Variants in NLGN4X observed in about 807,000 individuals in gnomAD.
NLGN4X encodes neuroligin 4 X-linked.
In NLGN4X, 3 loss-of-function variants were observed where a neutral mutation model predicts 40.3. That is an observed-to-expected ratio of 0.07 (90% CI 0.03 to 0.19). The LOEUF (loss-of-function observed/expected upper bound fraction) is 0.19. Among genes scored for constraint, NLGN4X ranks in the 10% least tolerant of loss-of-function variants. NLGN4X has a pLI of 1.00. For missense variants in NLGN4X, 382 were observed against 708.3 expected (o/e 0.54, Z 5.23); for synonymous variants, 270 against 306.8 (o/e 0.88, Z 1.25).
At chrX:5,924,579 T>A (rs939008175) in intron 3 of NLGN4X, among the ~76,000 whole-genome samples, 10 of 111,847 alleles carry the variant, frequency 8.9e-5, no homozygotes, top group African/African-American at 3.3e-4. Context: ...TTTAAAAGCA[T>A]TGGGTCACAA....
chrX:6,116,865 T>C (rs1027753913), intron 2 of NLGN4X, among the ~76,000 whole-genome samples: 4 of 111,276 alleles, frequency 3.6e-5, no homozygotes, highest in Non-Finnish European at 7.5e-5. Context: ...TTCCAGTTTT[T>C]GGAGATACAA....
chrX:6,030,370 G>A lies in NLGN4X; in HGVS notation c.473-938C>T, dbSNP rs777033973. Among the ~76,000 whole-genome samples, 9 of 83,774 alleles carry A rather than the reference G, an allele frequency of 1.1e-4. No individual in the cohort carries two copies. In the South Asian group the frequency reaches 6.1e-3, roughly 56 times the overall value. The allele number at this position is 83,774 out of a possible 115,157, so 72.7% of individuals were successfully genotyped here. ...TTAATCTTTGGAAGACTGACCTCAC[G>A]TATAAATATTTCTGGATACAGATAT... On this transcript the variant is annotated intron_variant, in intron 2 of 5. Coordinates refer to ENST00000381095, the MANE Select transcript of NLGN4X (RefSeq NM_181332.3).
intron 3 of NLGN4X, among the ~76,000 whole-genome samples, chrX:5,941,131 CA>C (rs5901305): frequency 0.44 from 22,362 of 50,656 alleles, 3,931 homozygotes; most frequent in Middle Eastern, 0.69. Context: ...CTCCCTCCTA[CA>C]AAAAAAAAAA....
chrX:6,215,549 CA>C (rs3072697), intron 1 of NLGN4X, among the ~76,000 whole-genome samples: 1,010 of 77,214 alleles, frequency 0.013, 4 homozygotes, highest in Non-Finnish European at 0.019. Flanking sequence ...AACTCCGTCT[CA>C]AAAAAAAAAA....
chrX:5,939,107 G>C (rs1291653383), intron 3 of NLGN4X, among the ~76,000 whole-genome samples: 1 of 109,932 alleles, frequency 9.1e-6, no homozygotes, highest in Admixed American at 9.8e-5. Flanking sequence ...TCTACGAATG[G>C]GAAACATATA....
intron 3 of NLGN4X, among the ~76,000 whole-genome samples, chrX:5,932,150 C>T (rs1347181915): frequency 3.6e-5 from 4 of 111,532 alleles, no homozygotes; most frequent in Non-Finnish European, 7.5e-5. Flanking sequence ...TTCCCCTCCA[C>T]ACCCCCAGGA....
At position 6,004,022 on chromosome X, in the gene NLGN4X, C is replaced by T. The variant is rs770343176; in HGVS notation, c.625+25258G>A. Among the ~76,000 whole-genome samples the T allele has an allele frequency of 1.6e-4, 18 of 112,573 alleles. 1 individual carries two copies. The East Asian group carries it at 3.7e-3, about 23-fold the overall frequency. On this transcript the variant is annotated intron_variant, in intron 3 of 5. Coordinates refer to ENST00000381095, the MANE Select transcript of NLGN4X (RefSeq NM_181332.3). ...TCACCCCCGCTGGCCTGGAAGCAGC[C>T]GGCTAGTTCCAGCACCAGTGCACTC... is the stretch of plus-strand genomic sequence containing the variant.
intron 2 of NLGN4X, among the ~76,000 whole-genome samples, chrX:6,040,155 G>T (rs188163301): frequency 0.015 from 1,673 of 111,152 alleles, 12 homozygotes; most frequent in South Asian, 0.047. Context: ...GTGCAGGCTA[G>T]TCTTGAACTC....
chrX:6,107,095 C>T (rs953094123), intron 2 of NLGN4X, among the ~76,000 whole-genome samples: 1 of 112,441 alleles, frequency 8.9e-6, no homozygotes, highest in East Asian at 2.8e-4. Flanking sequence ...GAATTCAATG[C>T]GAAGAATCTT....
At chrX:5,972,786 T>C (rs2035064450) in intron 3 of NLGN4X, among the ~76,000 whole-genome samples, 1 of 108,923 alleles carries the variant, frequency 9.2e-6, no homozygotes, top group Non-Finnish European at 1.9e-5. Context: ...GGCGGGGATG[T>C]CTCTTGAAGC....
rs56879029 is a variant in NLGN4X, at chrX:5,921,391, C to CAGAGAGAGAGAGAGAGAGAG, written c.626-12172_626-12153dup. Among the ~76,000 whole-genome samples the CAGAGAGAGAGAGAGAGAGAG allele has an allele frequency of 7.8e-3, 411 of 52,996 alleles. 10 individuals are homozygous for CAGAGAGAGAGAGAGAGAGAG. Among genetic ancestry groups the CAGAGAGAGAGAGAGAGAGAG allele is most frequent in the Non-Finnish European group, 9.7e-3 (269 of 27,874 alleles). The allele number at this position is 52,996 out of a possible 115,157, so 46.0% of individuals were successfully genotyped here. ...TGACTCAGCGGCATTGAAAATGAAC[C>CAGAGAGAGAGAGAGAGAGAG]AGAGAGAGAGAGAGAGAGAGAGAGA... On this transcript the variant is annotated intron_variant, in intron 3 of 5. Coordinates refer to ENST00000381095, the MANE Select transcript of NLGN4X (RefSeq NM_181332.3).
intron 2 of NLGN4X, among the ~76,000 whole-genome samples, chrX:6,122,805 C>T (rs189716017): frequency 2.8e-5 from 3 of 106,110 alleles, no homozygotes; most frequent in East Asian, 3.0e-4. Context: ...GGAAGTCACA[C>T]GAGATACCGG....
At chrX:5,929,178 G>C (rs1426191823) in intron 3 of NLGN4X, among the ~76,000 whole-genome samples, 1 of 111,701 alleles carries the variant, frequency 9.0e-6, no homozygotes, top group Non-Finnish European at 1.9e-5. Flanking sequence ...TGTATTATGT[G>C]CCGGCTTGGC....
At chrX:5,992,874 G>A (rs1446275147) in intron 3 of NLGN4X, among the ~76,000 whole-genome samples, 1 of 111,594 alleles carries the variant, frequency 9.0e-6, no homozygotes, top group Non-Finnish European at 1.9e-5. Flanking sequence ...ACTGCACCAA[G>A]TCATTCATGA....
At chrX:5,966,411 T>G (rs956176315) in intron 3 of NLGN4X, among the ~76,000 whole-genome samples, 2 of 112,514 alleles carry the variant, frequency 1.8e-5, no homozygotes, top group Non-Finnish European at 3.8e-5. Context: ...CTTTGCTGTT[T>G]TTTTACAAAG....
chrX:6,170,009 G>T (rs2040572420), intron 1 of NLGN4X, among the ~76,000 whole-genome samples: 1 of 106,555 alleles, frequency 9.4e-6, no homozygotes, highest in Non-Finnish European at 1.9e-5. Context: ...CACTGGACAA[G>T]ATTTTTTTTT....
At chrX:5,971,719 A>T (rs760345546) in intron 3 of NLGN4X, among the ~76,000 whole-genome samples, 1 of 111,802 alleles carries the variant, frequency 8.9e-6, no homozygotes, top group Non-Finnish European at 1.9e-5. Context: ...TGCACTGCAC[A>T]ATAACACACA....
intron 2 of NLGN4X, among the ~76,000 whole-genome samples, chrX:6,059,679 T>C (rs112807646): frequency 9.0e-6 from 1 of 111,243 alleles, no homozygotes; most frequent in Admixed American, 9.6e-5. Flanking sequence ...ACCTAATGGA[T>C]TGTGAAGAGG....
intron 2 of NLGN4X, among the ~76,000 whole-genome samples, chrX:6,049,181 C>G (rs1180605860): frequency 6.6e-5 from 5 of 75,952 alleles, no homozygotes; most frequent in Non-Finnish European, 9.9e-5. Flanking sequence ...TCTGCCACCC[C>G]AGAAATGCTA....
Sources: gnomAD v4.1 joint callset for allele counts (sites outside exome capture counted in the v4.1 genomes callset) on GRCh38, gnomAD v4.1.1 for gene constraint, MANE v1.5 for transcripts, NCBI Gene and HGNC (gene_info 2026-07-23, HGNC 2026-07-21) for gene names.